Variants in PLA2G1B observed in about 807,000 individuals in gnomAD.
PLA2G1B encodes phospholipase A2.
PLA2G1B carries 12 observed loss-of-function variants against 12.5 expected under a neutral mutation model. That is an observed-to-expected ratio of 0.96 (90% confidence interval 0.62 to 1.56). The LOEUF is 1.56. Among genes scored for constraint, PLA2G1B ranks in the 40% most tolerant of loss-of-function variants. The pLI is 0.00. For synonymous variants in PLA2G1B, 81 were observed against 73.4 expected, an observed-to-expected ratio of 1.10 and a Z score of -0.53; for missense variants, 189 against 186.7, an observed-to-expected ratio of 1.01 and a Z score of -0.07.
intron 3 of PLA2G1B, among the ~76,000 whole-genome samples, chr12:120,323,364 C>G (rs1310660426): frequency 6.6e-6 from 1 of 152,018 alleles, no homozygotes; most frequent in Non-Finnish European, 1.5e-5. Context: ...CTCCCAGGTT[C>G]AAGCAATTCT....
chr12:120,323,390 C>T (rs893425949), intron 3 of PLA2G1B, among the ~76,000 whole-genome samples: 4 of 151,824 alleles, frequency 2.6e-5, no homozygotes, highest in East Asian at 1.9e-4. Flanking sequence ...CTCAGCCTCC[C>T]GAGTAGCTGG....
Position 120,322,370 on chromosome 12 carries a change from A to T in PLA2G1B, c.323-53T>A, listed in dbSNP as rs144741383. 8.3e-5 allele frequency: 129 copies of T among 1,547,448 alleles called. 3 individuals are homozygous for T. In the East Asian group the frequency reaches 2.3e-3, roughly 27 times the overall value. On this transcript the variant is annotated intron_variant, in intron 3 of 3. Transcript: ENST00000308366. ...AGCCAAGGTGGACCCTGTTTTGTAC[A>T]ATCTGGGGCAAGAAGAATTAACTGG...
Position 120,327,734 on chromosome 12 carries a change from G to A in PLA2G1B, c.20C>T (p.Ala7Val), listed in dbSNP as rs1421491866. 3.1e-6 allele frequency: 5 copies of A among 1,613,910 alleles called. No homozygotes were observed. Among genetic ancestry groups the A allele is most frequent in the Non-Finnish European group, 3.4e-6 (4 of 1,179,922 alleles). ...GACTTGCCTACCTGTGAGCAGCACA[G>A]CTAGCACAAGGAGTTTCATCTTGCA... MKLLVLAVLLTVAAADS... is the reference protein window; with the variant it reads MKLLVLVVLLTVAAADS... The change falls in exon 1 of 4, where the codon GCT (alanine) becomes GTT (valine). Residue 7 changes from alanine (A) to valine (V), a missense_variant. Physicochemically the swap from Ala to Val is moderately conservative, Grantham distance 64. Coordinates refer to ENST00000308366, the MANE Select transcript of PLA2G1B (RefSeq NM_000928.3).
rs1873329157 is a variant in PLA2G1B at position 120,325,771 on chromosome 12, G to A, written c.194+90C>T. ...TATGTTATCCTTAGCAGATATGCAA[G>A]TCCCCTTTGTATGCCTCGTGAGATC... On this transcript the variant is annotated intron_variant, in intron 2 of 3. Coordinates refer to ENST00000308366, the MANE Select transcript of PLA2G1B (RefSeq NM_000928.3). 11 of 1,185,068 alleles carry A rather than the reference G, an allele frequency of 9.3e-6. No homozygotes were observed. In the South Asian group the frequency reaches 1.5e-4, roughly 16 times the overall value. 73.4% of individuals were successfully genotyped at this position (1,185,068 alleles called of 1,614,324 possible).
chr12:120,326,745 C>T (rs1361815545), intron 1 of PLA2G1B, among the ~76,000 whole-genome samples: 1 of 151,726 alleles, frequency 6.6e-6, no homozygotes, highest in Non-Finnish European at 1.5e-5. Context: ...CCGAGGCAGG[C>T]GGATCACAAG....
chr12:120,325,055 G>A lies in PLA2G1B; in HGVS notation c.201C>T (p.Cys67=). Residue 67 remains cysteine, a synonymous_variant, in exon 3 of 4, where the codon TGC becomes TGT. Coordinates refer to ENST00000308366, the MANE Select transcript of PLA2G1B (RefSeq NM_000928.3). ...GGTCATAGCAGTTGTCATGTGTCTG[G>A]CAGCACCTGGAAAGTGGGAGGGACA... ...GTPVDELDKC[C]QTHDNCYDQA... 1.2e-6 allele frequency: 2 copies of A among 1,613,982 alleles called. No homozygotes were observed. The highest frequency in any genetic ancestry group is 1.7e-6 in the Non-Finnish European group (2 of 1,179,988).
rs1001496198 is a variant in PLA2G1B, at chr12:120,324,870, T to C, written c.322+64A>G. ...CACTAAATCATGGCTGTTGTTACTA[T>C]TATTTCCCCCCGGCCTACTGAGAAC... is the stretch of plus-strand genomic sequence containing the variant. On this transcript the variant is annotated intron_variant, in intron 3 of 3. Coordinates refer to ENST00000308366, the MANE Select transcript of PLA2G1B (RefSeq NM_000928.3). The C allele has an allele frequency of 1.1e-5, 17 of 1,552,330 alleles. 1 individual carries two copies. The South Asian group carries it at 1.3e-4, about 12-fold the overall frequency.
Position 120,322,205 on chromosome 12 carries a change from A to G in PLA2G1B, c.435T>C (p.Tyr145=). The change falls in exon 4 of 4, where the codon TAT becomes TAC. Residue 145 remains tyrosine (Y), a synonymous_variant. Transcript: ENST00000308366. The part of the protein sequence containing the change: ...KAHKNLDTKK[Y]CQS ...TGAGAGGTGATATTCAACTCTGACA[A>G]TACTTCTTGGTGTCCAGGTTCTTGT... 1 of 1,614,134 alleles carries G rather than the reference A, an allele frequency of 6.2e-7. No individual in the cohort carries two copies. Among genetic ancestry groups the G allele is most frequent in the Non-Finnish European group, 8.5e-7 (1 of 1,180,008 alleles).
chr12:120,324,843 A>T, intron 3 of PLA2G1B, 91 bp downstream of exon 3: 1 of 1,362,524 alleles, frequency 7.3e-7, no homozygotes, highest in Non-Finnish European at 1.0e-6. Flanking sequence ...CAAGAAAATT[A>T]ACACTAAATC....
chr12:120,322,852 G>A (rs1292763394), intron 3 of PLA2G1B, among the ~76,000 whole-genome samples: 1 of 152,040 alleles, frequency 6.6e-6, no homozygotes, highest in Non-Finnish European at 1.5e-5. Context: ...CTCCCAAAGT[G>A]CTGGGATACA....
intron 1 of PLA2G1B, 109 bp downstream of exon 1, chr12:120,327,611 C>CG: frequency 9.4e-7 from 1 of 1,067,540 alleles, no homozygotes; most frequent in East Asian, 2.4e-5. Context: ...ATTGAGACTG[C>CG]GGGGCTGGCC....
intron 3 of PLA2G1B, among the ~76,000 whole-genome samples, chr12:120,322,989 T>C (rs9657942): frequency 0.057 from 8,719 of 152,146 alleles, 379 homozygotes; most frequent in Admixed American, 0.15. Context: ...CACATGGAAA[T>C]TTTCCCAAAT....
chr12:120,323,070 T>C (rs1341674745), intron 3 of PLA2G1B, among the ~76,000 whole-genome samples: 1 of 152,212 alleles, frequency 6.6e-6, no homozygotes, highest in Non-Finnish European at 1.5e-5. Flanking sequence ...AGTAGGATTA[T>C]AGATGCCTTC....
chr12:120,325,013 G>T lies in PLA2G1B; in HGVS notation c.243C>A (p.Asp81Glu). ...GGTTGTCCAGCAGAAATTTACAGCTGTCCAGCTTCTTGGCCTGGTCATAGC... is the reference window on the plus strand; with the variant it reads ...GGTTGTCCAGCAGAAATTTACAGCTTTCCAGCTTCTTGGCCTGGTCATAGC... ...DNCYDQAKKLDSCKFLLDNPY... is the reference protein window; with the variant it reads ...DNCYDQAKKLESCKFLLDNPY... The change falls in exon 3 of 4, where the codon GAC becomes GAA. Residue 81 changes from aspartate (D) to glutamate (E), a missense_variant. By Grantham distance (45) the Asp-to-Glu change is conservative. Coordinates refer to ENST00000308366, the MANE Select transcript of PLA2G1B (RefSeq NM_000928.3). 1 of 1,614,014 alleles carries T rather than the reference G, an allele frequency of 6.2e-7. No individual in the cohort carries two copies. Among genetic ancestry groups the T allele is most frequent in the Non-Finnish European group, 8.5e-7 (1 of 1,179,936 alleles).
chr12:120,326,160 T>A, intron 1 of PLA2G1B, 140 bp from the exon 2 acceptor site: 1 of 695,330 alleles, frequency 1.4e-6, no homozygotes, highest in Non-Finnish European at 2.3e-6. Flanking sequence ...CCCAGGAACC[T>A]GGTAAAGTGA....
intron 3 of PLA2G1B, among the ~76,000 whole-genome samples, 161 bp downstream of exon 3, chr12:120,324,773 G>A (rs947307045): frequency 3.3e-5 from 5 of 152,158 alleles, no homozygotes; most frequent in Admixed American, 1.3e-4. Flanking sequence ...TGTTAAGTGA[G>A]GATAATTGTA....
rs780683048 is a variant in PLA2G1B, at chr12:120,325,052, C to G, written c.204G>C (p.Gln68His). 6.8e-6 allele frequency: 11 copies of G among 1,613,972 alleles called. No individual in the cohort carries two copies. Among genetic ancestry groups the G allele is most frequent in the Non-Finnish European group, 9.3e-6 (11 of 1,179,992 alleles). Residue 68 changes from glutamine to histidine, a missense_variant, in exon 3 of 4, where the codon CAG becomes CAC. Coordinates refer to ENST00000308366, the MANE Select transcript of PLA2G1B (RefSeq NM_000928.3). ...CCTGGTCATAGCAGTTGTCATGTGT[C>G]TGGCAGCACCTGGAAAGTGGGAGGG... is the stretch of plus-strand genomic sequence containing the variant. ...TPVDELDKCC[Q>H]THDNCYDQAK...
chr12:120,325,174 G>A (rs1873316736), intron 2 of PLA2G1B, 113 bp from the exon 3 acceptor site: 1 of 1,002,778 alleles, frequency 1.0e-6, no homozygotes, highest in Admixed American at 2.2e-5. Flanking sequence ...TGCTTCAGGA[G>A]AAATGATCCT....
rs766767485 is a variant in PLA2G1B at position 120,322,172 on chromosome 12, G to A, written c.*21C>T. The A allele has an allele frequency of 3.7e-6, 6 of 1,612,950 alleles. No individual in the cohort carries two copies. Among genetic ancestry groups the A allele is most frequent in the Non-Finnish European group, 5.1e-6 (6 of 1,179,224 alleles). ...AGTGTGAGATGAGGCAGATAGAGGT[G>A]ATGCTTTTGAGAGGTGATATTCAAC... is the stretch of plus-strand genomic sequence containing the variant. On this transcript the variant is annotated 3_prime_UTR_variant, in exon 4 of 4. Coordinates refer to ENST00000308366, the MANE Select transcript of PLA2G1B (RefSeq NM_000928.3).
Sources: gnomAD v4.1 joint callset for allele counts (sites outside exome capture counted in the v4.1 genomes callset) on GRCh38, gnomAD v4.1.1 for gene constraint, MANE v1.5 for transcripts, NCBI Gene and HGNC (gene_info 2026-07-23, HGNC 2026-07-21) for gene names.